PALS1: variants seen among roughly 807,000 people sequenced by gnomAD.
PALS1 encodes protein PALS1.
A neutral mutation model predicts 78.9 loss-of-function variants in PALS1; 31 were observed. The ratio of observed to expected loss-of-function variants is 0.39; its 90% CI spans 0.30 to 0.53. PALS1 has a LOEUF of 0.53. Among genes scored for constraint, PALS1 ranks in the 20% least tolerant of loss-of-function variants. PALS1 has a pLI of 0.67. For missense variants in PALS1, 704 were observed against 826.5 expected, an observed-to-expected ratio of 0.85 and a Z score of 1.82; for synonymous variants, 276 against 270.9, an observed-to-expected ratio of 1.02 and a Z score of -0.18.
At chr14:67,270,914 G>A (rs1409499918) in intron 2 of PALS1, 1 of 152,142 alleles carries the variant, frequency 6.6e-6, no homozygotes, top group Admixed American at 6.5e-5. Flanking sequence ...AGGTCTTGAA[G>A]GTAGAAATCA....
At chr14:67,284,659 A>C (rs1460595430) in intron 3 of PALS1, among the ~76,000 whole-genome samples, 1 of 142,578 alleles carries the variant, frequency 7.0e-6, no homozygotes, top group Non-Finnish European at 1.5e-5. Context: ...TATTCTGTCC[A>C]CCACCTGGCC....
At chr14:67,292,747 T>C in intron 4 of PALS1, 28 bp downstream of exon 4, 3 of 1,561,708 alleles carry the variant, frequency 1.9e-6, no homozygotes, top group Non-Finnish European at 2.6e-6. Context: ...CTTGTTGATG[T>C]CTACAAGGTA....
chr14:67,317,983 G>A (rs2085204109), intron 11 of PALS1, among the ~76,000 whole-genome samples: 1 of 152,194 alleles, frequency 6.6e-6, no homozygotes, highest in Admixed American at 6.5e-5. Context: ...CAGTCTGCTG[G>A]ACCTGAGTGA....
intron 3 of PALS1, among the ~76,000 whole-genome samples, chr14:67,291,197 C>T (rs2084766911): frequency 6.7e-6 from 1 of 149,334 alleles, no homozygotes; most frequent in African/African-American, 2.5e-5. Context: ...TGTACACTCA[C>T]ACAGCCTATT....
At chr14:67,278,785 G>A (rs971666040) in intron 2 of PALS1, among the ~76,000 whole-genome samples, 3 of 152,034 alleles carry the variant, frequency 2.0e-5, no homozygotes, top group Non-Finnish European at 4.4e-5. Flanking sequence ...ATTTTTCTTA[G>A]CTTTAAAATT....
intron 1 of PALS1, among the ~76,000 whole-genome samples, chr14:67,257,806 T>G (rs1249891337): frequency 1.3e-5 from 2 of 152,170 alleles, no homozygotes; most frequent in African/African-American, 4.8e-5. Context: ...TTCTTCATAG[T>G]AGGTTTAATG....
At chr14:67,288,293 ACTGGT>A (rs1277316186) in intron 3 of PALS1, among the ~76,000 whole-genome samples, 2 of 151,950 alleles carry the variant, frequency 1.3e-5, no homozygotes, top group Non-Finnish European at 2.9e-5. Context: ...TGTTGGCCAG[ACTGGT>A]CTTGAACTCC....
At chr14:67,317,947 G>T (rs1023975504) in intron 11 of PALS1, among the ~76,000 whole-genome samples, 1 of 152,202 alleles carries the variant, frequency 6.6e-6, no homozygotes, top group Admixed American at 6.5e-5. Flanking sequence ...CTCTGATAAT[G>T]TTGGGCTAGT....
intron 3 of PALS1, among the ~76,000 whole-genome samples, chr14:67,290,051 C>T (rs2084750296): frequency 6.6e-6 from 1 of 152,090 alleles, no homozygotes; most frequent in Non-Finnish European, 1.5e-5. Context: ...GGATTACAGG[C>T]GTGAGCCACT....
At chr14:67,328,520 G>T (rs1451957087) in intron 14 of PALS1, among the ~76,000 whole-genome samples, 1 of 152,124 alleles carries the variant, frequency 6.6e-6, no homozygotes, top group African/African-American at 2.4e-5. Flanking sequence ...TGTTGCCATT[G>T]CTTTTGGTGT....
chr14:67,287,600 G>T (rs1016106586), intron 3 of PALS1, among the ~76,000 whole-genome samples: 1 of 152,228 alleles, frequency 6.6e-6, no homozygotes, highest in Non-Finnish European at 1.5e-5. Flanking sequence ...GTGCAACGCT[G>T]GTAGGGGTAT....
intron 14 of PALS1, among the ~76,000 whole-genome samples, chr14:67,324,337 A>AAT (rs1475832779): frequency 4.9e-4 from 74 of 152,340 alleles, no homozygotes; most frequent in African/African-American, 1.7e-3. Context: ...ACATGTTATT[A>AAT]ATAAGACAGC....
intron 4 of PALS1, 100 bp downstream of exon 4, chr14:67,292,819 G>C (rs1166474547): frequency 1.1e-6 from 1 of 882,054 alleles, no homozygotes; most frequent in African/African-American, 1.7e-5. Flanking sequence ...AGATTTGTTT[G>C]AATTAATTAC....
intron 14 of PALS1, among the ~76,000 whole-genome samples, chr14:67,331,922 A>T (rs957111055): frequency 6.6e-6 from 1 of 152,208 alleles, no homozygotes; most frequent in Non-Finnish European, 1.5e-5. Flanking sequence ...TCAGATGTAC[A>T]ACATTCCAGA....
At position 67,282,918 on chromosome 14, in the gene PALS1, T is replaced by G. The variant is rs558028399; in HGVS notation, c.367+3381T>G. The stretch of plus-strand genomic sequence containing the variant: ...ATTTCACTGTTTTTGTGTTCTCAGT[T>G]AAGTAATTTTGGGCCAGGGATGTGG... On this transcript the variant is annotated intron_variant, in intron 3 of 14. Transcript: ENST00000261681. Among the ~76,000 whole-genome samples the G allele has an allele frequency of 2.6e-5, 4 of 152,220 alleles. 1 individual carries two copies. In the South Asian group the frequency reaches 8.3e-4, roughly 32 times the overall value.
rs775141362 is a variant in PALS1 at position 67,321,184 on chromosome 14, G to T, written c.1665G>T (p.Leu555Phe). 1.2e-6 allele frequency: 2 copies of T among 1,614,076 alleles called. No homozygotes were observed. The highest frequency in any genetic ancestry group is 1.7e-6 in the Non-Finnish European group (2 of 1,180,036). ...AGCATGGTGAATTTGAGAAGAATTT[G>T]TATGGAACTAGCATAGATTCTGTAC... Reference protein sequence around the residue: ...FIEHGEFEKNLYGTSIDSVRQ... With the variant: ...FIEHGEFEKNFYGTSIDSVRQ... Residue 555 changes from leucine (L) to phenylalanine (F), a missense_variant, in exon 13 of 15, where the codon TTG becomes TTT. Coordinates refer to ENST00000261681, the MANE Select transcript of PALS1 (RefSeq NM_022474.4).
rs925464407 is a variant in PALS1, at chr14:67,321,311, G to T, written c.1740+52G>T. On this transcript the variant is annotated intron_variant, in intron 13 of 14. Coordinates refer to ENST00000261681, the MANE Select transcript of PALS1 (RefSeq NM_022474.4). Reference sequence around the variant, plus strand: ...TTGAACTTAGAAGGAATGTCATATAGAGTAATCTAGTGGAAGCTATATTTT... The same window carrying T: ...TTGAACTTAGAAGGAATGTCATATATAGTAATCTAGTGGAAGCTATATTTT... 12 of 1,558,704 alleles carry T rather than the reference G, an allele frequency of 7.7e-6. No individual in the cohort carries two copies. In the Middle Eastern group the frequency reaches 8.4e-4, roughly 110 times the overall value.
chr14:67,319,396 T>G (rs1196258476), intron 11 of PALS1, among the ~76,000 whole-genome samples: 1 of 152,186 alleles, frequency 6.6e-6, no homozygotes, highest in South Asian at 2.1e-4. Flanking sequence ...CTGTCATAAT[T>G]TATACCTCAT....
At chr14:67,330,034 T>C (rs1178275355) in intron 14 of PALS1, among the ~76,000 whole-genome samples, 1 of 150,762 alleles carries the variant, frequency 6.6e-6, no homozygotes, top group African/African-American at 2.4e-5. Context: ...ATTGTTAAAG[T>C]CACAGAAAAT....
Sources: allele counts gnomAD v4.1 joint callset (sites outside exome capture counted in the v4.1 genomes callset), GRCh38; gene constraint gnomAD v4.1.1; transcripts MANE v1.5; gene names NCBI Gene and HGNC (gene_info 2026-07-23, HGNC 2026-07-21).